The following PAX8 variants were observed in gnomAD, a reference collection of about 807,000 sequenced individuals.
PAX8 encodes paired box 8.
A neutral mutation model predicts 52.4 loss-of-function variants in PAX8; 15 were observed. The ratio of observed to expected loss-of-function variants is 0.29; its 90% CI spans 0.19 to 0.44. The LOEUF (loss-of-function observed/expected upper bound fraction) is 0.44. Among genes scored for constraint, PAX8 ranks in the 20% least tolerant of loss-of-function variants. The probability of loss-of-function intolerance (pLI) is 1.00; values close to 1 mark genes in which losing one functional copy is unlikely to be tolerated. For missense variants in PAX8, 554 were observed against 602.5 expected (o/e 0.92, Z 0.84); for synonymous variants, 284 against 249.7 (o/e 1.14, Z -1.29).
intron 9 of PAX8, among the ~76,000 whole-genome samples, chr2:113,228,384 A>G (rs191614257): frequency 3.8e-4 from 58 of 152,248 alleles, no homozygotes; most frequent in Non-Finnish European, 6.8e-4. Flanking sequence ...ATAATGAGTT[A>G]TTTGCTCTTC....
intron 3 of PAX8, 100 bp from the exon 4 acceptor site, chr2:113,244,724 AG>A (rs950361887): frequency 1.6e-5 from 17 of 1,089,840 alleles, no homozygotes; most frequent in Non-Finnish European, 2.4e-5. Context: ...GCTTCTGGGT[AG>A]GGGTATGAGA....
At chr2:113,270,788 A>G (rs890553532) in intron 2 of PAX8, 17 of 152,132 alleles carry the variant, frequency 1.1e-4, no homozygotes, top group African/African-American at 4.1e-4. Flanking sequence ...TACCCATGTC[A>G]CCCCAAGGCC....
At chr2:113,277,730 T>C (rs1483393892) in intron 2 of PAX8, among the ~76,000 whole-genome samples, 1 of 152,172 alleles carries the variant, frequency 6.6e-6, no homozygotes, top group African/African-American at 2.4e-5. Flanking sequence ...TTGAAGGCCC[T>C]GCTTCCGGGC....
chr2:113,242,810 G>A (rs761181045), intron 4 of PAX8, 32 bp from the exon 5 acceptor site: 16 of 1,517,650 alleles, frequency 1.1e-5, no homozygotes, highest in South Asian at 1.0e-4. Context: ...CCATGAGAGA[G>A]AAGAGGAGGA....
Position 113,235,634 on chromosome 2 carries a change from G to A in PAX8, c.899-52C>T, listed in dbSNP as rs866734680. The stretch of plus-strand genomic sequence containing the variant: ...AGAGAGGGGTGTGAGATGGCGGGGA[G>A]GGAACACGCACAAGCCAAGCCGTGG... On this transcript the variant is annotated intron_variant, in intron 8 of 11. Coordinates refer to ENST00000429538, the MANE Select transcript of PAX8 (RefSeq NM_003466.4). The A allele has an allele frequency of 1.4e-5, 21 of 1,465,078 alleles. No individual in the cohort carries two copies. In the Middle Eastern group the frequency reaches 1.5e-3, roughly 104 times the overall value. The allele number at this position is 1,465,078 out of a possible 1,614,324, so 90.8% of individuals were successfully genotyped here.
In PAX8 at chr2:113,244,416, TTC is replaced by T. The variant is rs764580494; in HGVS notation, c.389+9_389+10del. 10 of 1,609,254 alleles carry T rather than the reference TTC, an allele frequency of 6.2e-6. No homozygotes were observed. The African/African-American group carries it at 8.0e-5, about 13-fold the overall frequency. On this transcript the variant is annotated intron_variant, in intron 4 of 11. Coordinates refer to ENST00000429538, the MANE Select transcript of PAX8 (RefSeq NM_003466.4). ...CCCCAGCCTGACACCAGAGGCTGCT[TTC>T]TCTCTTACCTATTAATGGAGCTGAC...
chr2:113,219,544 T>C (rs1335157592), intron 11 of PAX8, among the ~76,000 whole-genome samples: 1 of 152,226 alleles, frequency 6.6e-6, no homozygotes, highest in Non-Finnish European at 1.5e-5. Flanking sequence ...AATACTGTCT[T>C]CATCTCAGGC....
Position 113,242,087 on chromosome 2 carries a change from A to C in PAX8, c.522T>G (p.Asp174Glu). 1 of 1,613,478 alleles carries C rather than the reference A, an allele frequency of 6.2e-7. No individual in the cohort carries two copies. The highest frequency in any genetic ancestry group is 1.3e-5 in the African/African-American group (1 of 75,006). ...AVTPPESPQS[D>E]SLGSTYSING... is the part of the protein sequence containing the mutation. ...TGATGGAGTAGGTGGAGCCCAGGGA[A>C]TCCGACTGGGGTGACTCCGGGGGAG... Residue 174 changes from aspartate to glutamate, a missense_variant, in exon 6 of 12, where the codon GAT becomes GAG. Physicochemically the swap from Asp to Glu is conservative, Grantham distance 45. Transcript: ENST00000429538.
intron 10 of PAX8, chr2:113,225,992 G>A: frequency 1.0e-6 from 1 of 985,518 alleles, no homozygotes; most frequent in Non-Finnish European, 1.2e-6. Context: ...AGAGGAGTCA[G>A]TATTCTGTAT....
At chr2:113,268,134 T>C (rs1312530499) in intron 2 of PAX8, 1 of 152,344 alleles carries the variant, frequency 6.6e-6, no homozygotes, top group Non-Finnish European at 1.5e-5. Flanking sequence ...TGTGTATGTG[T>C]GTGCATGCAT....
rs139254478 is a variant in PAX8, at chr2:113,218,055, T to C, written c.*478A>G. ...GGGAGGTGACTCCCTGGGTGGCTGG[T>C]GAGGAGAGCCTCGGCACCAGGCTGT... On this transcript the variant is annotated 3_prime_UTR_variant, in exon 12 of 12. Coordinates refer to ENST00000429538, the MANE Select transcript of PAX8 (RefSeq NM_003466.4). 626 of 233,996 alleles carry C rather than the reference T, an allele frequency of 2.7e-3. 3 individuals are homozygous for C. Among genetic ancestry groups the C allele is most frequent in the African/African-American group, 0.013 (580 of 45,436 alleles). 14.5% of individuals were successfully genotyped at this position (233,996 alleles called of 1,614,324 possible).
chr2:113,278,788 C>T, intron 1 of PAX8, 43 bp downstream of exon 1: 3 of 952,712 alleles, frequency 3.1e-6, no homozygotes, highest in Non-Finnish European at 3.9e-6. Context: ...CATCCCCCGT[C>T]CTCACTGCTA....
chr2:113,226,815 T>C, intron 10 of PAX8: 2 of 1,250,744 alleles, frequency 1.6e-6, no homozygotes, highest in Non-Finnish European at 2.0e-6. Context: ...TTTGGGGCCC[T>C]TAGAGTGCTC....
At chr2:113,254,097 TACTCACAAGACC>T (rs1211743045) in intron 2 of PAX8, among the ~76,000 whole-genome samples, 1 of 152,208 alleles carries the variant, frequency 6.6e-6, no homozygotes, top group Non-Finnish European at 1.5e-5. Context: ...GCATATGGAA[TACTCACAAGACC>T]ACGTTTTACC....
chr2:113,258,101 C>T (rs998485085), intron 2 of PAX8, among the ~76,000 whole-genome samples: 1 of 152,210 alleles, frequency 6.6e-6, no homozygotes, highest in African/African-American at 2.4e-5. Context: ...GCCCTAAGAG[C>T]GAATATGTCC....
intron 2 of PAX8, among the ~76,000 whole-genome samples, chr2:113,254,047 A>G (rs563778473): frequency 1.3e-5 from 2 of 152,240 alleles, no homozygotes; most frequent in Non-Finnish European, 2.9e-5. Flanking sequence ...TAAACATGTC[A>G]CATGAATCAA....
intron 10 of PAX8, among the ~76,000 whole-genome samples, chr2:113,222,801 T>G (rs1227618014): frequency 6.6e-6 from 1 of 152,082 alleles, no homozygotes; most frequent in African/African-American, 2.4e-5. Context: ...TCTGATCCCC[T>G]CAAGTCCCCA....
chr2:113,263,766 G>A (rs112931848), intron 2 of PAX8, among the ~76,000 whole-genome samples: 5 of 152,162 alleles, frequency 3.3e-5, no homozygotes, highest in Non-Finnish European at 5.9e-5. Context: ...GGGAAAGACT[G>A]TGGGTGGGCT....
Position 113,236,318 on chromosome 2 carries a change from T to C in PAX8, c.898+283A>G, listed in dbSNP as rs112345948. On this transcript the variant is annotated intron_variant, in intron 8 of 11. Coordinates refer to ENST00000429538, the MANE Select transcript of PAX8 (RefSeq NM_003466.4). ...CCCACCTTGAGGCCCGGCCTAGGACTGGAGGCGCGACCCCTCGGCCCACCT... is the reference window on the plus strand; with the variant it reads ...CCCACCTTGAGGCCCGGCCTAGGACCGGAGGCGCGACCCCTCGGCCCACCT... 3.6e-3 allele frequency: 548 copies of C among 152,734 alleles called. 5 individuals carry two copies. The highest frequency in any genetic ancestry group is 0.012 in the Admixed American group (115 of 9,646). 9.5% of individuals were successfully genotyped at this position (152,734 alleles called of 1,614,324 possible).
Sources: allele counts gnomAD v4.1 joint callset (sites outside exome capture counted in the v4.1 genomes callset), GRCh38; gene constraint gnomAD v4.1.1; transcripts MANE v1.5; gene names NCBI Gene and HGNC (gene_info 2026-07-23, HGNC 2026-07-21).